PCDHGA2: variants seen among roughly 807,000 people sequenced by gnomAD.
PCDHGA2 encodes protocadherin gamma-A2.
Under a neutral mutation model 59.2 loss-of-function variants are expected in PCDHGA2, and 40 were observed. The observed-to-expected ratio is 0.68, with a 90% CI of 0.52 to 0.88. The LOEUF is 0.88. PCDHGA2 is among the 40% of genes least tolerant of loss of function. The probability of loss-of-function intolerance (pLI) is 0.00; values close to 1 mark genes in which losing one functional copy is unlikely to be tolerated. For missense variants in PCDHGA2, 1,226 were observed against 1,204.0 expected, an observed-to-expected ratio of 1.02 and a Z score of -0.27; for synonymous variants, 560 against 526.0, an observed-to-expected ratio of 1.06 and a Z score of -0.89.
chr5:141,364,937 G>C (rs760754992), intron 1 of PCDHGA2: 16 of 1,613,830 alleles, frequency 9.9e-6, no homozygotes, highest in Middle Eastern at 1.6e-4. Context: ...CCTAGACCGC[G>C]AGAAAGAGAC....
chr5:141,423,597 G>C, intron 1 of PCDHGA2: 1 of 1,613,188 alleles, frequency 6.2e-7, no homozygotes, highest in Non-Finnish European at 8.5e-7. Context: ...AGAAAAGCGA[G>C]CCACTCTTGA....
At chr5:141,370,641 AACTT>A in intron 1 of PCDHGA2, 1 of 1,613,910 alleles carries the variant, frequency 6.2e-7, no homozygotes, top group Non-Finnish European at 8.5e-7. Context: ...CGAAAATGGG[AACTT>A]ACTTGTGAGC....
In PCDHGA2 at chr5:141,410,110, C is replaced by G. The variant is rs1361292941; in HGVS notation, c.2424+68715C>G. The G allele has an allele frequency of 6.8e-6, 11 of 1,612,422 alleles. No homozygotes were observed. In the African/African-American group the frequency reaches 1.3e-4, roughly 20 times the overall value. ...CGGCTCGAGCCTTAGGCGACAGGGA[C>G]GCAGCCCGCCAGCGCCTGCTGGTCG... is the stretch of plus-strand genomic sequence containing the variant. On this transcript the variant is annotated intron_variant, in intron 1 of 3. Coordinates refer to ENST00000394576, the MANE Select transcript of PCDHGA2 (RefSeq NM_018915.4).
At position 141,422,119 on chromosome 5, in the gene PCDHGA2, C is replaced by T. The variant is rs778866054; in HGVS notation, c.2425-72688C>T. 26 of 1,603,658 alleles carry T rather than the reference C, an allele frequency of 1.6e-5. No homozygotes were observed. In the Admixed American group the frequency reaches 4.2e-4, roughly 26 times the overall value. ...TTCTGAAATATTCCAATTGGATTCA[C>T]AAACTGGAGAAGTTCAAGTACGGGG... On this transcript the variant is annotated intron_variant, in intron 1 of 3. Transcript: ENST00000394576.
Position 141,477,771 on chromosome 5 carries a change from G to A in PCDHGA2, c.2425-17036G>A. 1 of 1,613,992 alleles carries A rather than the reference G, an allele frequency of 6.2e-7. No homozygotes were observed. The highest frequency in any genetic ancestry group is 1.3e-5 in the African/African-American group (1 of 75,054). ...ACCCCGGTCCTAGCCACCAACATCA[G>A]CGTGAACATATTTGTCACTGATCGC... On this transcript the variant is annotated intron_variant, in intron 1 of 3. Transcript: ENST00000394576. This position sits in a 1 kb window ranked among gnomAD's most constrained non-coding sequence, Gnocchi z 4.9.
At chr5:141,371,448 G>A in intron 1 of PCDHGA2, 1 of 1,613,994 alleles carries the variant, frequency 6.2e-7, no homozygotes, top group Non-Finnish European at 8.5e-7. Flanking sequence ...CCTGGCTTCT[G>A]AATCCCAACA....
intron 1 of PCDHGA2, chr5:141,404,552 G>A: frequency 6.2e-7 from 1 of 1,613,826 alleles, no homozygotes; most frequent in Non-Finnish European, 8.5e-7. Context: ...GCAGGTGACG[G>A]CAAGTGACAG....
At position 141,389,700 on chromosome 5, in the gene PCDHGA2, G is replaced by A. The variant is rs534784537; in HGVS notation, c.2424+48305G>A. On this transcript the variant is annotated intron_variant, in intron 1 of 3. Coordinates refer to ENST00000394576, the MANE Select transcript of PCDHGA2 (RefSeq NM_018915.4). ...ACACAACGCCTGGCTGTCCTACCAC[G>A]TGCTGCAGGCTAGCGAGCCCGGGCT... 11 of 1,612,578 alleles carry A rather than the reference G, an allele frequency of 6.8e-6. No homozygotes were observed. The South Asian group carries it at 1.1e-4, about 16-fold the overall frequency.
At chr5:141,419,187 C>G (rs1179461161) in intron 1 of PCDHGA2, 4 of 1,614,024 alleles carry the variant, frequency 2.5e-6, no homozygotes, top group Non-Finnish European at 2.5e-6. Context: ...CTGCACATTA[C>G]TGACGTCAAT....
intron 1 of PCDHGA2, chr5:141,344,223 G>C: frequency 1.2e-6 from 2 of 1,614,056 alleles, no homozygotes; most frequent in Non-Finnish European, 1.7e-6. Flanking sequence ...GGAGCGCGGA[G>C]TCCGCATCGT....
chr5:141,501,947 T>A (rs2099811963), intron 2 of PCDHGA2, among the ~76,000 whole-genome samples: 1 of 152,152 alleles, frequency 6.6e-6, no homozygotes, highest in Non-Finnish European at 1.5e-5. Context: ...CTGCTCCCTG[T>A]GACAGGTCAT....
chr5:141,383,714 G>T (rs1561598272), intron 1 of PCDHGA2: 3 of 1,613,972 alleles, frequency 1.9e-6, no homozygotes, highest in Middle Eastern at 1.6e-4. Context: ...CTGGACGAGG[G>T]AGTCAATGGG....
In PCDHGA2 at chr5:141,491,198, A is replaced by T. The variant is rs1344758185; in HGVS notation, c.2425-3609A>T. ...GTGGTCCTGGTGAGGGACAATGGTG[A>T]CCCTTCACTCTCCTCCACAGCCACA... On this transcript the variant is annotated intron_variant, in intron 1 of 3. Coordinates refer to ENST00000394576, the MANE Select transcript of PCDHGA2 (RefSeq NM_018915.4). This position sits in a 1 kb window ranked among gnomAD's most constrained non-coding sequence, Gnocchi z 6.9. 1.2e-6 allele frequency: 2 copies of T among 1,613,912 alleles called. No individual in the cohort carries two copies. The highest frequency in any genetic ancestry group is 1.3e-5 in the African/African-American group (1 of 74,866).
intron 1 of PCDHGA2, among the ~76,000 whole-genome samples, chr5:141,401,408 A>G (rs943963302): frequency 6.6e-6 from 1 of 152,200 alleles, no homozygotes; most frequent in Non-Finnish European, 1.5e-5. Flanking sequence ...TATGAGAGAG[A>G]AAGAGAGAGA....
intron 1 of PCDHGA2, chr5:141,422,140 C>CG (rs1369033587): frequency 6.3e-7 from 1 of 1,586,656 alleles, no homozygotes; most frequent in Non-Finnish European, 8.5e-7. Context: ...AGTTCAAGTA[C>CG]GGGGGTCTCT....
intron 1 of PCDHGA2, chr5:141,375,760 G>T (rs779640846): frequency 1.2e-6 from 2 of 1,614,118 alleles, no homozygotes; most frequent in Admixed American, 1.7e-5. Context: ...ATGACAATGC[G>T]CCCGAGATCC....
chr5:141,372,494 A>C, intron 1 of PCDHGA2: 2 of 1,613,974 alleles, frequency 1.2e-6, no homozygotes, highest in Middle Eastern at 1.6e-4. Context: ...CCTTGATCTC[A>C]GTGCTCTTCC....
At position 141,339,676 on chromosome 5, in the gene PCDHGA2, G is replaced by C. The variant is rs1756863169; in HGVS notation, c.705G>C (p.Ala235=). ...TSRICVKVLD[A]NDNAPVFTQP... is the part of the protein sequence containing the mutation. ...GCATCTGCGTGAAGGTCCTGGATGC[G>C]AACGACAATGCGCCTGTTTTTACAC... Residue 235 remains alanine (A), a synonymous_variant, in exon 1 of 4, where the codon GCG becomes GCC. Coordinates refer to ENST00000394576, the MANE Select transcript of PCDHGA2 (RefSeq NM_018915.4). 6.2e-7 allele frequency: 1 copy of C among 1,614,148 alleles called. No homozygotes were observed. The highest frequency in any genetic ancestry group is 8.5e-7 in the Non-Finnish European group (1 of 1,180,026).
intron 1 of PCDHGA2, among the ~76,000 whole-genome samples, chr5:141,401,496 C>T (rs909382274): frequency 6.6e-6 from 1 of 152,190 alleles, no homozygotes; most frequent in African/African-American, 2.4e-5. Context: ...GATGCAAAAT[C>T]CTTTTCCACC....
Sources: gnomAD v4.1 joint callset for allele counts (sites outside exome capture counted in the v4.1 genomes callset) on GRCh38, gnomAD v4.1.1 for gene constraint, Gnocchi (gnomAD v3.1) non-coding constraint, MANE v1.5 for transcripts, NCBI Gene and HGNC (gene_info 2026-07-23, HGNC 2026-07-21) for gene names.